RBPJ: variants seen among roughly 807,000 people sequenced by gnomAD.
The protein encoded by RBPJ is recombining binding protein suppressor of hairless.
In RBPJ, 9 loss-of-function variants were observed where a neutral mutation model predicts 67.8. The ratio of observed to expected loss-of-function variants is 0.13; its 90% CI spans 0.08 to 0.23. The LOEUF (loss-of-function observed/expected upper bound fraction) is 0.23, where lower values mean the gene tolerates loss of function less well. Ranked by LOEUF, RBPJ falls within the 10% of genes least tolerant of loss-of-function variation. The pLI, the probability that RBPJ is intolerant of heterozygous loss-of-function variation, is 1.00. For missense variants in RBPJ, 305 were observed against 595.6 expected, an observed-to-expected ratio of 0.51 and a Z score of 5.08; for synonymous variants, 198 against 203.3, an observed-to-expected ratio of 0.97 and a Z score of 0.22.
intron 1 of RBPJ, among the ~76,000 whole-genome samples, chr4:26,189,764 C>G (rs572983646): frequency 6.6e-6 from 1 of 152,338 alleles, no homozygotes; most frequent in East Asian, 1.9e-4. Context: ...CCTAAAATTT[C>G]TATCTGTAGG....
chr4:26,150,138 A>G, the RBPJ span, among the ~76,000 whole-genome samples: 10 of 152,210 alleles, frequency 6.6e-5, no homozygotes, highest in Admixed American at 6.5e-4. Flanking sequence ...TCCATTTCAC[A>G]AACAGGCCCC....
chr4:26,321,673 G>C (rs1350144580), intron 1 of RBPJ: 2 of 153,186 alleles, frequency 1.3e-5, no homozygotes, highest in African/African-American at 4.8e-5. Flanking sequence ...TTTCTCCTGT[G>C]GGTCCCCTCT....
At chr4:26,376,441 T>C (rs1729741293) in intron 1 of RBPJ, among the ~76,000 whole-genome samples, 1 of 152,238 alleles carries the variant, frequency 6.6e-6, no homozygotes, top group Non-Finnish European at 1.5e-5. Flanking sequence ...TCATGTTGTG[T>C]TGTAACATAT....
the RBPJ span, among the ~76,000 whole-genome samples, chr4:26,128,669 G>A: frequency 0.02 from 3,100 of 152,148 alleles, 61 homozygotes; most frequent in South Asian, 0.089. Context: ...ATGACTAAAC[G>A]GGCATCTTAT....
rs1406620004 is a variant in RBPJ, at chr4:26,165,693, A to G, written c.-167+2079A>G. On this transcript the variant is annotated intron_variant, in intron 1 of 4. Transcript: ENST00000512351. Reference sequence around the variant, plus strand: ...TTTTAAGGGGGTCCAGAAAAAACATATATTTTTTCATTTTTTTTCTTTTTT... The same window carrying G: ...TTTTAAGGGGGTCCAGAAAAAACATGTATTTTTTCATTTTTTTTCTTTTTT... Among the ~76,000 whole-genome samples the G allele has an allele frequency of 1.4e-5, 2 of 141,620 alleles. 1 individual carries two copies. The highest frequency in any genetic ancestry group is 1.4e-4 in the Admixed American group (2 of 13,968). The allele number at this position is 141,620 out of a possible 152,430, so 92.9% of individuals were successfully genotyped here. A position where few individuals can be genotyped will look rare whatever the true frequency, so the allele number is the denominator to read the frequency against.
intron 1 of RBPJ, among the ~76,000 whole-genome samples, chr4:26,227,008 T>A (rs1719097860): frequency 6.6e-6 from 1 of 152,160 alleles, no homozygotes; most frequent in South Asian, 2.1e-4. Flanking sequence ...AAGTGGCTCT[T>A]TTGTATGACT....
chr4:26,267,838 C>T (rs2109258427), intron 1 of RBPJ, among the ~76,000 whole-genome samples: 1 of 152,190 alleles, frequency 6.6e-6, no homozygotes, highest in East Asian at 1.9e-4. Flanking sequence ...GAACTCCTGA[C>T]CTCAGGTGAT....
At chr4:26,291,071 C>T (rs1207176484) in intron 1 of RBPJ, among the ~76,000 whole-genome samples, 1 of 150,746 alleles carries the variant, frequency 6.6e-6, no homozygotes, top group Non-Finnish European at 1.5e-5. Context: ...TCTATAATAC[C>T]TGCTTCAGAA....
intron 1 of RBPJ, among the ~76,000 whole-genome samples, chr4:26,271,045 G>A (rs1720901572): frequency 6.6e-6 from 1 of 151,782 alleles, no homozygotes; most frequent in African/African-American, 2.4e-5. Context: ...ATTAATTATT[G>A]TTAAATCTCT....
chr4:26,240,520 C>G (rs1350639874), intron 1 of RBPJ, among the ~76,000 whole-genome samples: 1 of 152,138 alleles, frequency 6.6e-6, no homozygotes, highest in Non-Finnish European at 1.5e-5. Flanking sequence ...GAAAAGCAAC[C>G]AAGCTATACC....
intron 1 of RBPJ, among the ~76,000 whole-genome samples, chr4:26,241,028 A>T (rs1025277879): frequency 7.3e-5 from 11 of 151,418 alleles, no homozygotes; most frequent in Non-Finnish European, 1.2e-4. Context: ...ACAAGCCAAA[A>T]CCCCCGTTTC....
At chr4:26,144,447 T>G in the RBPJ span, among the ~76,000 whole-genome samples, 2 of 151,928 alleles carry the variant, frequency 1.3e-5, no homozygotes, top group Non-Finnish European at 2.9e-5. Context: ...TTTTTGTATT[T>G]TTAGTAGAGA....
chr4:26,225,880 G>T (rs1191092557), intron 1 of RBPJ, among the ~76,000 whole-genome samples: 1 of 152,122 alleles, frequency 6.6e-6, no homozygotes, highest in Non-Finnish European at 1.5e-5. Context: ...AGGCATGGTG[G>T]CTCATGCCTG....
At chr4:26,236,194 G>A (rs529554635) in intron 1 of RBPJ, among the ~76,000 whole-genome samples, 3 of 152,168 alleles carry the variant, frequency 2.0e-5, no homozygotes, top group Non-Finnish European at 4.4e-5. Context: ...TATCAGCCAC[G>A]TAAACTCTGG....
chr4:26,219,361 A>C (rs1203576185), intron 1 of RBPJ, among the ~76,000 whole-genome samples: 1 of 152,206 alleles, frequency 6.6e-6, no homozygotes, highest in Admixed American at 6.5e-5. Flanking sequence ...GAAAACATGG[A>C]TCAGGACAGA....
chr4:26,334,364 CT>C (rs201009666), intron 1 of RBPJ, among the ~76,000 whole-genome samples: 13,752 of 147,288 alleles, frequency 0.093, 794 homozygotes, highest in East Asian at 0.3. Flanking sequence ...TTTGTATTTT[CT>C]TTTTTTTTTT....
At chr4:26,333,540 A>C (rs1724472483) in intron 1 of RBPJ, among the ~76,000 whole-genome samples, 1 of 152,206 alleles carries the variant, frequency 6.6e-6, no homozygotes, top group South Asian at 2.1e-4. Context: ...TCATTTTTAA[A>C]AAGTTTTTTA....
chr4:26,199,119 C>A (rs1288146373), intron 1 of RBPJ, among the ~76,000 whole-genome samples: 1 of 152,162 alleles, frequency 6.6e-6, no homozygotes, highest in African/African-American at 2.4e-5. Context: ...AGGAAGCCAG[C>A]TGTGGGAAGT....
chr4:26,325,928 A>T (rs979239747), intron 1 of RBPJ, among the ~76,000 whole-genome samples: 3 of 152,236 alleles, frequency 2.0e-5, no homozygotes, highest in Admixed American at 1.3e-4. Flanking sequence ...ACAGTATTAA[A>T]TGCTGTATAT....
Sources: allele counts gnomAD v4.1 joint callset (sites outside exome capture counted in the v4.1 genomes callset), GRCh38; gene constraint gnomAD v4.1.1; transcripts MANE v1.5; gene names NCBI Gene and HGNC (gene_info 2026-07-23, HGNC 2026-07-21).